Variants in CLYBL observed in about 807,000 individuals in gnomAD.
The protein encoded by CLYBL is citramalyl-CoA lyase.
A neutral mutation model predicts 38.9 loss-of-function variants in CLYBL; 31 were observed. The ratio of observed to expected loss-of-function variants is 0.80; its 90% CI spans 0.60 to 1.08. The LOEUF (loss-of-function observed/expected upper bound fraction) is 1.08. Ranked by LOEUF, CLYBL falls within the 50% of genes least tolerant of loss-of-function variation. CLYBL has a pLI of 0.00. For missense variants in CLYBL, 434 were observed against 411.6 expected (o/e 1.05, Z -0.47); for synonymous variants, 171 against 158.6 (o/e 1.08, Z -0.59).
chr13:99,908,892 C>T (rs2052723211), exon 10 of CLYBL, among the ~76,000 whole-genome samples: 2 of 152,194 alleles, frequency 1.3e-5, no homozygotes, highest in Admixed American at 6.5e-5. Context: ...GAGGTGTTCT[C>T]CTTTATATTG....
intron 1 of CLYBL, among the ~76,000 whole-genome samples, chr13:99,716,222 G>A (rs1171906443): frequency 9.5e-5 from 8 of 84,232 alleles, no homozygotes; most frequent in Admixed American, 3.5e-4. Flanking sequence ...ACAAGGTCTC[G>A]CTATGTTGCT....
rs1336054626 is a variant in CLYBL at position 99,865,653 on chromosome 13, T to G, written c.635-587T>G. On this transcript the variant is annotated intron_variant, in intron 5 of 8. Transcript: ENST00000339105. This position sits in a 1 kb window ranked among gnomAD's most constrained non-coding sequence, Gnocchi z 4.7. ...ACTGAATTTATTTGAATACGAGTCT[T>G]TCCAGGAGACTTGTGTATCCAACGG... Among the ~76,000 whole-genome samples, 1 of 152,210 alleles carries G rather than the reference T, an allele frequency of 6.6e-6. No homozygotes were observed. The highest frequency in any genetic ancestry group is 1.5e-5 in the Non-Finnish European group (1 of 68,028).
At chr13:99,670,205 A>G (rs994618405) in intron 1 of CLYBL, among the ~76,000 whole-genome samples, 2 of 152,038 alleles carry the variant, frequency 1.3e-5, no homozygotes, top group Non-Finnish European at 2.9e-5. Flanking sequence ...TCTTAAAAAA[A>G]AAAGAGCTAG....
At chr13:99,871,675 T>C (rs913492583) in intron 7 of CLYBL, among the ~76,000 whole-genome samples, 1 of 152,182 alleles carries the variant, frequency 6.6e-6, no homozygotes, top group African/African-American at 2.4e-5. Flanking sequence ...ATGTAAATAT[T>C]GCAGTGGTAA....
At chr13:99,673,849 A>T (rs2047603088) in intron 1 of CLYBL, among the ~76,000 whole-genome samples, 2 of 152,156 alleles carry the variant, frequency 1.3e-5, no homozygotes, top group Non-Finnish European at 2.9e-5. Context: ...GACAGGTGAG[A>T]GCTGCTGGTG....
At chr13:99,709,919 C>T (rs74514075) in intron 1 of CLYBL, among the ~76,000 whole-genome samples, 60 of 114,902 alleles carry the variant, frequency 5.2e-4, no homozygotes, top group Admixed American at 9.2e-4. Context: ...TTTTTTCTTT[C>T]TTTCTTTTTT....
chr13:99,887,976 C>T (rs1359861329), intron 7 of CLYBL, among the ~76,000 whole-genome samples: 11 of 152,220 alleles, frequency 7.2e-5, no homozygotes, highest in African/African-American at 2.6e-4. Flanking sequence ...GTGCCTCAAC[C>T]TCCCGTGTAG....
At chr13:99,836,385 G>T (rs12869989) in intron 2 of CLYBL, among the ~76,000 whole-genome samples, 1,943 of 152,310 alleles carry the variant, frequency 0.013, 55 homozygotes, top group East Asian at 0.071. Flanking sequence ...AGAGTGGACA[G>T]TGTTCCAGGG....
intron 1 of CLYBL, among the ~76,000 whole-genome samples, chr13:99,768,514 TTTTTTTTTTTTTTTA>T (rs574952267): frequency 0.068 from 1,587 of 23,322 alleles, 114 homozygotes; most frequent in African/African-American, 0.14. Flanking sequence ...TTTTTTTTTT[TTTTTTTTTTTTTTTA>T]AAGACAGAAT....
At chr13:99,736,834 T>C (rs1305526342) in intron 1 of CLYBL, among the ~76,000 whole-genome samples, 4 of 152,314 alleles carry the variant, frequency 2.6e-5, no homozygotes, top group African/African-American at 9.6e-5. Context: ...GTCTGTTGCC[T>C]TCGCTGGACC....
In CLYBL at chr13:99,766,626, T is replaced by C. The variant is rs143196416; in HGVS notation, c.63-6198T>C. Among the ~76,000 whole-genome samples, 8 of 152,324 alleles carry C rather than the reference T, an allele frequency of 5.3e-5. No individual in the cohort carries two copies. In the East Asian group the frequency reaches 1.5e-3, roughly 29 times the overall value. On this transcript the variant is annotated intron_variant, in intron 1 of 8. Coordinates refer to ENST00000339105, the MANE Select transcript of CLYBL (RefSeq NM_206808.5). Reference sequence around the variant, plus strand: ...GCATTGAAGGATTATTCATTTAATCTAGTCTTCTCTGGCTGGCTTGTTTTT... The same window carrying C: ...GCATTGAAGGATTATTCATTTAATCCAGTCTTCTCTGGCTGGCTTGTTTTT...
intron 1 of CLYBL, among the ~76,000 whole-genome samples, chr13:99,655,136 C>T (rs913823552): frequency 4.0e-5 from 6 of 149,444 alleles, no homozygotes; most frequent in Non-Finnish European, 7.4e-5. Context: ...AGTGCAGTGG[C>T]GTGATCTCGG....
At chr13:99,816,047 C>G (rs2050440512) in intron 2 of CLYBL, among the ~76,000 whole-genome samples, 1 of 152,162 alleles carries the variant, frequency 6.6e-6, no homozygotes, top group South Asian at 2.1e-4. Flanking sequence ...TTCGCAATGA[C>G]TAACTTAGTA....
chr13:99,785,735 A>G (rs760091832), intron 2 of CLYBL, among the ~76,000 whole-genome samples: 42 of 151,862 alleles, frequency 2.8e-4, no homozygotes, highest in Non-Finnish European at 5.1e-4. Context: ...AGCTGGGATT[A>G]TAGGCGCCCA....
intron 7 of CLYBL, among the ~76,000 whole-genome samples, chr13:99,887,914 G>A (rs749524866): frequency 6.6e-6 from 1 of 151,842 alleles, no homozygotes; most frequent in Non-Finnish European, 1.5e-5. Context: ...GGAGTACAGC[G>A]GCATGATCTC....
At chr13:99,699,971 G>A (rs926466727) in intron 1 of CLYBL, among the ~76,000 whole-genome samples, 2 of 151,774 alleles carry the variant, frequency 1.3e-5, no homozygotes, top group Admixed American at 6.6e-5. Flanking sequence ...CAGCCTGGGC[G>A]ACAGAGCGAG....
At chr13:99,772,716 A>G in intron 1 of CLYBL, 108 bp from the exon 2 acceptor site, 1 of 945,966 alleles carries the variant, frequency 1.1e-6, no homozygotes, top group Non-Finnish European at 1.6e-6. Flanking sequence ...AAAATAAAAA[A>G]AGATTATCCA....
chr13:99,835,196 G>T (rs562250141), intron 2 of CLYBL, among the ~76,000 whole-genome samples: 2 of 152,186 alleles, frequency 1.3e-5, no homozygotes, highest in Admixed American at 6.5e-5. Flanking sequence ...TTGTGTCAGC[G>T]TGCAGGCTAA....
At chr13:99,612,987 C>T (rs1015958186) in intron 1 of CLYBL, among the ~76,000 whole-genome samples, 2 of 150,742 alleles carry the variant, frequency 1.3e-5, no homozygotes, top group Non-Finnish European at 3.0e-5. Flanking sequence ...TGCACTCCAG[C>T]CTGGGTGACA....
Sources: gnomAD v4.1 joint callset for allele counts (sites outside exome capture counted in the v4.1 genomes callset) on GRCh38, gnomAD v4.1.1 for gene constraint, Gnocchi (gnomAD v3.1) non-coding constraint, MANE v1.5 for transcripts, NCBI Gene and HGNC (gene_info 2026-07-23, HGNC 2026-07-21) for gene names.